The following SDK2 variants were observed in gnomAD, a reference collection of about 807,000 sequenced individuals.
The protein encoded by SDK2 is sidekick cell adhesion molecule 2.
SDK2 carries 105 observed loss-of-function variants against 253.9 expected under a neutral mutation model. The observed-to-expected ratio is 0.41, with a 90% CI of 0.35 to 0.49. The LOEUF (loss-of-function observed/expected upper bound fraction) is 0.49. SDK2 is among the 20% of genes least tolerant of loss of function. SDK2 has a pLI of 0.06. For missense variants in SDK2, 2,608 were observed against 3,003.0 expected (o/e 0.87, Z 3.07); for synonymous variants, 1,249 against 1,234.9 (o/e 1.01, Z -0.24).
intron 8 of SDK2, among the ~76,000 whole-genome samples, chr17:73,437,528 G>A (rs1258941698): frequency 6.6e-6 from 1 of 152,136 alleles, no homozygotes; most frequent in Non-Finnish European, 1.5e-5. Context: ...TAACCCTCAA[G>A]TTTTGGTACC....
chr17:73,518,498 C>T (rs369967248), intron 1 of SDK2: 4 of 152,312 alleles, frequency 2.6e-5, no homozygotes, highest in East Asian at 1.9e-4. Context: ...TTCTCATAGC[C>T]GGGGCCTCCT....
At chr17:73,617,802 G>A (rs191048872) in intron 1 of SDK2, among the ~76,000 whole-genome samples, 1 of 152,240 alleles carries the variant, frequency 6.6e-6, no homozygotes, top group African/African-American at 2.4e-5. Context: ...AGAAAAACAG[G>A]ACATCATAAG....
chr17:73,614,146 T>G (rs2143147985), intron 1 of SDK2, among the ~76,000 whole-genome samples: 1 of 145,468 alleles, frequency 6.9e-6, no homozygotes, highest in South Asian at 2.3e-4. Context: ...CATACTCAGC[T>G]GCTTTTCATT....
intron 3 of SDK2, among the ~76,000 whole-genome samples, chr17:73,469,986 G>GCACA (rs1208248058): frequency 2.5e-5 from 2 of 81,018 alleles, no homozygotes; most frequent in East Asian, 9.5e-4. Context: ...GCGACTGCGC[G>GCACA]CGCGCGCACA....
chr17:73,532,096 G>A (rs931668084), intron 1 of SDK2, among the ~76,000 whole-genome samples: 5 of 152,206 alleles, frequency 3.3e-5, no homozygotes, highest in African/African-American at 9.7e-5. Context: ...GACCCCTGGC[G>A]ATGTCCGGAG....
chr17:73,434,581 C>T (rs765117520), intron 9 of SDK2, among the ~76,000 whole-genome samples: 3 of 152,226 alleles, frequency 2.0e-5, no homozygotes, highest in Non-Finnish European at 4.4e-5. Flanking sequence ...CCTGAGGAGC[C>T]CACCAGTGCT....
chr17:73,621,792 G>C (rs1421692711), intron 1 of SDK2, among the ~76,000 whole-genome samples: 1 of 152,062 alleles, frequency 6.6e-6, no homozygotes, highest in Non-Finnish European at 1.5e-5. Context: ...ATTGAAAAAA[G>C]TGAACAGGGA....
chr17:73,556,565 C>G (rs923079390), intron 1 of SDK2, among the ~76,000 whole-genome samples: 27 of 152,228 alleles, frequency 1.8e-4, no homozygotes, highest in African/African-American at 6.5e-4. Context: ...GCACATGATT[C>G]TTCTTTTAAG....
chr17:73,585,431 G>T (rs905592071), intron 1 of SDK2, among the ~76,000 whole-genome samples: 2 of 152,216 alleles, frequency 1.3e-5, no homozygotes, highest in African/African-American at 4.8e-5. Flanking sequence ...CCCGGAGGGG[G>T]TGTTAAAACA....
In SDK2 at chr17:73,494,397, G is replaced by A. The variant is rs191506583; in HGVS notation, c.224+13041C>T. Reference sequence around the variant, plus strand: ...GTTTCCCCTGCCTGCCCCCTGCACCGGTGTCCTCAGCCCAGGTCCAGCGAG... The same window carrying A: ...GTTTCCCCTGCCTGCCCCCTGCACCAGTGTCCTCAGCCCAGGTCCAGCGAG... On this transcript the variant is annotated intron_variant, in intron 2 of 44. Transcript: ENST00000392650. Among the ~76,000 whole-genome samples the A allele has an allele frequency of 2.2e-3, 331 of 152,066 alleles. 6 individuals carry two copies. The highest frequency in any genetic ancestry group is 0.019 in the Admixed American group (297 of 15,254).
intron 36 of SDK2, among the ~76,000 whole-genome samples, chr17:73,369,375 A>G (rs1230566882): frequency 6.6e-6 from 1 of 152,234 alleles, no homozygotes; most frequent in South Asian, 2.1e-4. Context: ...GCTGGTTAAC[A>G]GGAACAAGGC....
At chr17:73,376,689 C>G (rs2062784406) in intron 36 of SDK2, among the ~76,000 whole-genome samples, 1 of 152,174 alleles carries the variant, frequency 6.6e-6, no homozygotes, top group Non-Finnish European at 1.5e-5. Flanking sequence ...CACTTACAAG[C>G]CTCGACAGTC....
intron 15 of SDK2, among the ~76,000 whole-genome samples, chr17:73,420,895 C>T (rs1019657502): frequency 4.6e-5 from 7 of 150,892 alleles, no homozygotes; most frequent in African/African-American, 1.5e-4. Context: ...AGGCTGGTCT[C>T]GAACTCCTGA....
intron 9 of SDK2, among the ~76,000 whole-genome samples, chr17:73,434,259 C>G (rs922208264): frequency 6.6e-6 from 1 of 152,240 alleles, no homozygotes; most frequent in South Asian, 2.1e-4. Context: ...GGACTTCTGC[C>G]ACTTTCTAAG....
chr17:73,526,678 T>C (rs759826563), intron 1 of SDK2, among the ~76,000 whole-genome samples: 4 of 152,098 alleles, frequency 2.6e-5, no homozygotes, highest in Non-Finnish European at 4.4e-5. Flanking sequence ...TTTGCATATG[T>C]GTGTGTTTGT....
At chr17:73,341,858 T>G (rs916984474) in intron 44 of SDK2, among the ~76,000 whole-genome samples, 5 of 152,120 alleles carry the variant, frequency 3.3e-5, no homozygotes, top group Non-Finnish European at 5.9e-5. Context: ...ATAACTGTAT[T>G]TAGTTTTCAC....
In SDK2 at chr17:73,642,801, T is replaced by C. The variant is rs1280842978; in HGVS notation, c.64+1224A>G. 1.3e-5 allele frequency among the ~76,000 whole-genome samples: 2 copies of C among 152,168 alleles called. No homozygotes were observed. The highest frequency in any genetic ancestry group is 2.9e-5 in the Non-Finnish European group (2 of 68,026). On this transcript the variant is annotated intron_variant, in intron 1 of 44. Transcript: ENST00000392650. This position sits in a 1 kb window ranked among gnomAD's most constrained non-coding sequence, Gnocchi z 4.7. ...TACAAAATTTCGAAGTGCTTTTATG[T>C]AAATTACCTCGTAAAATCCTCCCCT...
In SDK2 at chr17:73,465,263, T is replaced by C. The variant is rs2063589068; in HGVS notation, c.331+6849A>G. On this transcript the variant is annotated intron_variant, in intron 3 of 44. Coordinates refer to ENST00000392650, the MANE Select transcript of SDK2 (RefSeq NM_001144952.2). This position sits in a 1 kb window ranked among gnomAD's most constrained non-coding sequence, Gnocchi z 4.2. Reference sequence around the variant, plus strand: ...CTAAGCTGCTTGGTAGGAAGGAAGCTGGCCAGCCTCCCAGGATGGGGCAGG... The same window carrying C: ...CTAAGCTGCTTGGTAGGAAGGAAGCCGGCCAGCCTCCCAGGATGGGGCAGG... Among the ~76,000 whole-genome samples the C allele has an allele frequency of 7.1e-6, 1 of 141,818 alleles. No individual in the cohort carries two copies. Among genetic ancestry groups the C allele is most frequent in the Non-Finnish European group, 1.5e-5 (1 of 66,050 alleles). 93.0% of individuals were successfully genotyped at this position (141,818 alleles called of 152,430 possible). A position where few individuals can be genotyped will look rare whatever the true frequency, so the allele number is the denominator to read the frequency against.
chr17:73,337,064 T>TGC lies in SDK2; in HGVS notation c.*1522_*1523insGC, dbSNP rs2062386091. The TGC allele has an allele frequency of 1.3e-5, 2 of 152,148 alleles. No homozygotes were observed. 9.4% of individuals were successfully genotyped at this position (152,148 alleles called of 1,614,324 possible). A position where few individuals can be genotyped will look rare whatever the true frequency, so the allele number is the denominator to read the frequency against. On this transcript the variant is annotated 3_prime_UTR_variant, in exon 45 of 45. Transcript: ENST00000392650. ...GATTGTGTATGTGTATGTGTGTGTG[T>TGC]GTGTGTGTGTGTGTGTGTAAAAGCA...
Sources: gnomAD v4.1 joint callset for allele counts (sites outside exome capture counted in the v4.1 genomes callset) on GRCh38, gnomAD v4.1.1 for gene constraint, Gnocchi (gnomAD v3.1) non-coding constraint, MANE v1.5 for transcripts, NCBI Gene and HGNC (gene_info 2026-07-23, HGNC 2026-07-21) for gene names.